Variants in C2CD3 observed in about 807,000 individuals in gnomAD.
C2CD3 encodes C2 domain-containing protein 3.
C2CD3 carries 148 observed loss-of-function variants against 234.0 expected under a neutral mutation model. That is an observed-to-expected ratio of 0.63 (90% confidence interval 0.55 to 0.72). C2CD3 has a LOEUF of 0.72. C2CD3 is among the 30% of genes least tolerant of loss of function. The probability of loss-of-function intolerance (pLI) is 0.00; values close to 1 mark genes in which losing one functional copy is unlikely to be tolerated. For synonymous variants in C2CD3, 1,000 were observed against 1,035.4 expected (o/e 0.97, Z 0.66); for missense variants, 2,577 against 2,811.5 (o/e 0.92, Z 1.89).
At chr11:74,066,048 G>C (rs370792741) in intron 24 of C2CD3, among the ~76,000 whole-genome samples, 1 of 144,700 alleles carries the variant, frequency 6.9e-6, no homozygotes, top group African/African-American at 2.6e-5. Flanking sequence ...ATGTACCCTA[G>C]AACTTAAAGT....
intron 24 of C2CD3, among the ~76,000 whole-genome samples, chr11:74,058,612 C>T (rs969418405): frequency 6.6e-6 from 1 of 152,070 alleles, no homozygotes; most frequent in African/African-American, 2.4e-5. Flanking sequence ...TAAACTGTCT[C>T]CTATATTGCC....
intron 32 of C2CD3, among the ~76,000 whole-genome samples, chr11:74,015,733 T>C (rs1951855227): frequency 6.6e-6 from 1 of 152,134 alleles, no homozygotes. Context: ...TTGTTCTCCA[T>C]GGCTGGAAGG....
chr11:74,106,024 A>G (rs1469628056), intron 13 of C2CD3, among the ~76,000 whole-genome samples: 1 of 151,796 alleles, frequency 6.6e-6, no homozygotes, highest in Non-Finnish European at 1.5e-5. Context: ...GCAACTTTCT[A>G]TCCCTTGATG....
At chr11:74,043,743 T>C (rs533257587) in intron 28 of C2CD3, among the ~76,000 whole-genome samples, 7 of 152,326 alleles carry the variant, frequency 4.6e-5, no homozygotes, top group Non-Finnish European at 2.9e-5. Context: ...GCCATTTGTA[T>C]ATCTTTTTTT....
intron 22 of C2CD3, among the ~76,000 whole-genome samples, chr11:74,079,363 G>A (rs910181391): frequency 2.0e-5 from 3 of 151,928 alleles, no homozygotes; most frequent in Non-Finnish European, 4.4e-5. Context: ...TACCACGCCT[G>A]GCCATTTTCC....
intron 8 of C2CD3, 126 bp downstream of exon 8, chr11:74,122,862 C>T: frequency 1.5e-6 from 1 of 668,550 alleles, no homozygotes; most frequent in Non-Finnish European, 2.5e-6. Context: ...ATACTTTCCT[C>T]TTGAGGTTGT....
intron 7 of C2CD3, among the ~76,000 whole-genome samples, chr11:74,125,084 A>G (rs1050044576): frequency 2.6e-5 from 4 of 152,348 alleles, no homozygotes; most frequent in South Asian, 4.1e-4. Context: ...ATAATAAAAA[A>G]CAGTAGCTGA....
chr11:74,116,897 T>A (rs1346974752), intron 9 of C2CD3, among the ~76,000 whole-genome samples: 2 of 119,522 alleles, frequency 1.7e-5, no homozygotes, highest in African/African-American at 6.1e-5. Flanking sequence ...CGTGTATATA[T>A]ACACACGTGT....
chr11:74,031,066 C>T (rs1184109879), intron 31 of C2CD3, among the ~76,000 whole-genome samples: 3 of 152,214 alleles, frequency 2.0e-5, no homozygotes, highest in African/African-American at 7.2e-5. Context: ...ACTTAACCTG[C>T]TCTCTACAAG....
In C2CD3 at chr11:74,098,548, TA is replaced by T. The variant is rs544175454; in HGVS notation, c.2733-294del. Among the ~76,000 whole-genome samples, 490 of 152,296 alleles carry T rather than the reference TA, an allele frequency of 3.2e-3. 3 individuals are homozygous for T. In the Middle Eastern group the frequency reaches 0.034, roughly 11 times the overall value. On this transcript the variant is annotated intron_variant, in intron 15 of 32. Coordinates refer to ENST00000334126, the MANE Select transcript of C2CD3 (RefSeq NM_001286577.2). ...TGAACAGTATCTCATGGAGCTTTGC[TA>T]AACTGCATTATTTTAAAGGGAGGAA...
At chr11:74,039,963 A>G (rs1952941330) in intron 29 of C2CD3, among the ~76,000 whole-genome samples, 1 of 152,228 alleles carries the variant, frequency 6.6e-6, no homozygotes. Context: ...TATGAAGATA[A>G]GAATCTGAAC....
intron 11 of C2CD3, chr11:74,109,618 C>T (rs1381455869): frequency 6.6e-6 from 1 of 152,356 alleles, no homozygotes; most frequent in Admixed American, 6.5e-5. Context: ...CTGTCACAAA[C>T]AAGTTATCAG....
intron 15 of C2CD3, 150 bp downstream of exon 15, chr11:74,100,375 T>C (rs1234731496): frequency 1.7e-5 from 12 of 710,732 alleles, no homozygotes; most frequent in Non-Finnish European, 2.3e-5. Flanking sequence ...TGCTTTAGAA[T>C]AGGAGAAAGA....
chr11:74,090,667 T>C, intron 20 of C2CD3, 146 bp downstream of exon 20: 7 of 900,330 alleles, frequency 7.8e-6, no homozygotes, highest in Non-Finnish European at 1.2e-5. Context: ...TTTACTCATA[T>C]TCTGAAATGC....
intron 32 of C2CD3, among the ~76,000 whole-genome samples, chr11:74,027,515 C>A (rs1952352461): frequency 6.6e-6 from 1 of 152,184 alleles, no homozygotes; most frequent in South Asian, 2.1e-4. Flanking sequence ...ACATGCTAAG[C>A]ACCACCATAA....
intron 25 of C2CD3, among the ~76,000 whole-genome samples, chr11:74,056,819 C>T (rs377530426): frequency 6.6e-6 from 1 of 152,056 alleles, no homozygotes; most frequent in African/African-American, 2.4e-5. Context: ...TTTATGAAGC[C>T]TTCCCTGAAC....
chr11:74,100,518 T>C lies in C2CD3; in HGVS notation c.2732+7A>G, dbSNP rs2135493203. On this transcript the variant is annotated splice_region_variant and intron_variant, in intron 15 of 32. Coordinates refer to ENST00000334126, the MANE Select transcript of C2CD3 (RefSeq NM_001286577.2). The stretch of plus-strand genomic sequence containing the variant: ...CAATAAAGAATACTCCAAAAGGTCC[T>C]ATTTACTTGAATGACATGTAAAACT... The C allele has an allele frequency of 6.2e-7, 1 of 1,604,440 alleles. No homozygotes were observed. The highest frequency in any genetic ancestry group is 8.5e-7 in the Non-Finnish European group (1 of 1,176,956).
chr11:74,085,983 C>A (rs1003938461), intron 20 of C2CD3, 97 bp from the exon 21 acceptor site: 12 of 1,262,432 alleles, frequency 9.5e-6, no homozygotes, highest in Non-Finnish European at 1.3e-5. Flanking sequence ...TATGAGACCA[C>A]CAAGAATAAA....
chr11:74,160,037 C>T (rs1393803942), intron 3 of C2CD3, among the ~76,000 whole-genome samples: 2 of 152,040 alleles, frequency 1.3e-5, no homozygotes, highest in Admixed American at 6.6e-5. Context: ...TGTGTTATAA[C>T]TGCCTTCATT....
Sources: allele counts gnomAD v4.1 joint callset (sites outside exome capture counted in the v4.1 genomes callset), GRCh38; gene constraint gnomAD v4.1.1; transcripts MANE v1.5; gene names NCBI Gene and HGNC (gene_info 2026-07-23, HGNC 2026-07-21).